GNG7: variants seen among roughly 807,000 people sequenced by gnomAD.
GNG7 encodes the protein guanine nucleotide-binding protein G(I)/G(S)/G(O) subunit gamma-7.
A neutral mutation model predicts 4.0 loss-of-function variants in GNG7; 1 was observed. The observed-to-expected ratio is 0.25, with a 90% CI of 0.09 to 1.18. The LOEUF (loss-of-function observed/expected upper bound fraction) is 1.18, where lower values mean the gene tolerates loss of function less well. Ranked by LOEUF, GNG7 falls within the 50% of genes most tolerant of loss-of-function variation. The pLI, the probability that GNG7 is intolerant of heterozygous loss-of-function variation, is 0.50. For missense variants in GNG7, 86 were observed against 91.9 expected, an observed-to-expected ratio of 0.94 and a Z score of 0.26; for synonymous variants, 34 against 36.9, an observed-to-expected ratio of 0.92 and a Z score of 0.29.
chr19:2,590,552 TCCGCCCACTCATCCA>T (rs1980811698), intron 2 of GNG7, among the ~76,000 whole-genome samples: 2 of 135,880 alleles, frequency 1.5e-5, no homozygotes, highest in African/African-American at 2.7e-5. Context: ...CATCCATCCA[TCCGCCCACTCATCCA>T]TTCACCCATT....
chr19:2,671,820 G>C (rs1983460361), intron 1 of GNG7, among the ~76,000 whole-genome samples: 1 of 151,586 alleles, frequency 6.6e-6, no homozygotes, highest in Non-Finnish European at 1.5e-5. Flanking sequence ...GGGAGGCCGA[G>C]GCGGGTGGAT....
At chr19:2,560,342 C>T (rs535090436) in intron 2 of GNG7, among the ~76,000 whole-genome samples, 1 of 152,220 alleles carries the variant, frequency 6.6e-6, no homozygotes, top group Admixed American at 6.5e-5. Flanking sequence ...ACCCCATCCC[C>T]CAGGTCTGTC....
intron 2 of GNG7, among the ~76,000 whole-genome samples, chr19:2,563,299 A>G (rs778238588): frequency 2.0e-5 from 3 of 152,056 alleles, no homozygotes; most frequent in Non-Finnish European, 4.4e-5. Context: ...TACTCTGGAC[A>G]TTGGGCCTGG....
chr19:2,517,337 C>G (rs1457969539), intron 4 of GNG7, among the ~76,000 whole-genome samples: 1 of 152,038 alleles, frequency 6.6e-6, no homozygotes, highest in Non-Finnish European at 1.5e-5. Context: ...GAGTGAGCCA[C>G]TACACCTGGC....
At position 2,683,944 on chromosome 19, in the gene GNG7, G is replaced by A. The variant is rs534696213; in HGVS notation, c.-135+18702C>T. ...AGCTCAAATCCGCCCTCAGCCCCAGGGGGCCGAGCTGCAAAAGCGACGTCA... is the reference window on the plus strand; with the variant it reads ...AGCTCAAATCCGCCCTCAGCCCCAGAGGGCCGAGCTGCAAAAGCGACGTCA... On this transcript the variant is annotated intron_variant, in intron 1 of 4. Transcript: ENST00000382159. Among the ~76,000 whole-genome samples, 7 of 152,276 alleles carry A rather than the reference G, an allele frequency of 4.6e-5. No homozygotes were observed. The South Asian group carries it at 1.4e-3, about 32-fold the overall frequency.
chr19:2,636,545 G>A (rs889176466), intron 2 of GNG7, among the ~76,000 whole-genome samples: 4 of 152,144 alleles, frequency 2.6e-5, no homozygotes, highest in Admixed American at 6.5e-5. Context: ...TCTGGTCCGA[G>A]CTCTGCTCTG....
chr19:2,534,187 C>T (rs1978671157), intron 3 of GNG7, among the ~76,000 whole-genome samples: 1 of 152,118 alleles, frequency 6.6e-6, no homozygotes, highest in Non-Finnish European at 1.5e-5. Context: ...TGTGATAAGA[C>T]TCAATGCCAG....
At chr19:2,681,732 G>A (rs117445011) in intron 1 of GNG7, among the ~76,000 whole-genome samples, 3 of 152,194 alleles carry the variant, frequency 2.0e-5, no homozygotes, top group Non-Finnish European at 4.4e-5. Context: ...TCCCAGCAGC[G>A]ACGCATGAGG....
At chr19:2,697,027 G>A (rs929569954) in intron 1 of GNG7, among the ~76,000 whole-genome samples, 3 of 152,004 alleles carry the variant, frequency 2.0e-5, no homozygotes, top group Non-Finnish European at 2.9e-5. Context: ...TTTTACTAGC[G>A]ACAGGGTTTC....
Position 2,551,845 on chromosome 19 carries a change from G to A in GNG7, c.-38+3304C>T, listed in dbSNP as rs56327215. On this transcript the variant is annotated intron_variant, in intron 3 of 4. Coordinates refer to ENST00000382159, the MANE Select transcript of GNG7 (RefSeq NM_052847.3). ...ATTACAGGCATGCGTCACCACGCCC[G>A]GCTAATTTTTTTTATTTTCAGTAGA... 4.1e-3 allele frequency among the ~76,000 whole-genome samples: 627 copies of A among 152,014 alleles called. 3 individuals carry two copies. The highest frequency in any genetic ancestry group is 0.014 in the African/African-American group (591 of 41,474).
At chr19:2,523,856 C>T (rs1449291709) in intron 3 of GNG7, among the ~76,000 whole-genome samples, 1 of 152,124 alleles carries the variant, frequency 6.6e-6, no homozygotes, top group Non-Finnish European at 1.5e-5. Context: ...TTGACACCGC[C>T]CAGCCTCCTT....
Position 2,546,073 on chromosome 19 carries a change from G to C in GNG7, c.-38+9076C>G, listed in dbSNP as rs1235473528. Among the ~76,000 whole-genome samples, 1 of 152,236 alleles carries C rather than the reference G, an allele frequency of 6.6e-6. No homozygotes were observed. The highest frequency in any genetic ancestry group is 1.5e-5 in the Non-Finnish European group (1 of 68,044). ...CAGGGCAACGATCAGGCGTTGATGT[G>C]TCCCCTGGCAGCTGGGATGCAGGCC... On this transcript the variant is annotated intron_variant, in intron 3 of 4. Coordinates refer to ENST00000382159, the MANE Select transcript of GNG7 (RefSeq NM_052847.3). This position sits in a 1 kb window ranked among gnomAD's most constrained non-coding sequence, Gnocchi z 6.3.
chr19:2,674,597 G>A (rs535724102), intron 1 of GNG7, among the ~76,000 whole-genome samples: 5 of 152,176 alleles, frequency 3.3e-5, no homozygotes, highest in South Asian at 2.1e-4. Flanking sequence ...AACCATGCCC[G>A]GCTAATTTTT....
chr19:2,629,161 A>G (rs1464217738), intron 2 of GNG7, among the ~76,000 whole-genome samples: 2 of 152,330 alleles, frequency 1.3e-5, no homozygotes, highest in East Asian at 1.9e-4. Context: ...AACTTTGGGG[A>G]AAGTTGAAGA....
rs1982228568 is a variant in GNG7, at chr19:2,633,573, G to A, written c.-78+12651C>T. On this transcript the variant is annotated intron_variant, in intron 2 of 4. Coordinates refer to ENST00000382159, the MANE Select transcript of GNG7 (RefSeq NM_052847.3). This position sits in a 1 kb window ranked among gnomAD's most constrained non-coding sequence, Gnocchi z 5.9. ...CTGGGCTGGGGTACTCAGATCCCCG[G>A]GCTCGGTGGTCGTGGATGTGAGCCT... is the stretch of plus-strand genomic sequence containing the variant. 6.6e-6 allele frequency among the ~76,000 whole-genome samples: 1 copy of A among 151,542 alleles called. No individual in the cohort carries two copies. Among genetic ancestry groups the A allele is most frequent in the Non-Finnish European group, 1.5e-5 (1 of 67,940 alleles).
chr19:2,629,760 C>T (rs949281185), intron 2 of GNG7, among the ~76,000 whole-genome samples: 2 of 152,270 alleles, frequency 1.3e-5, no homozygotes, highest in South Asian at 2.1e-4. Context: ...CCCATGCCCA[C>T]GAGTAAGAGG....
intron 3 of GNG7, among the ~76,000 whole-genome samples, chr19:2,532,146 G>A (rs148550219): frequency 0.026 from 2,588 of 98,772 alleles, 80 homozygotes; most frequent in African/African-American, 0.097. Context: ...ACGAGACTCC[G>A]TCTCAAAAAA....
chr19:2,522,260 C>T (rs1366671478), intron 3 of GNG7, among the ~76,000 whole-genome samples: 1 of 152,020 alleles, frequency 6.6e-6, no homozygotes, highest in Non-Finnish European at 1.5e-5. Flanking sequence ...TCGTAGGACC[C>T]AGTGAGGGGG....
At chr19:2,616,035 G>A (rs1308619419) in intron 2 of GNG7, among the ~76,000 whole-genome samples, 4 of 152,276 alleles carry the variant, frequency 2.6e-5, no homozygotes, top group Admixed American at 1.3e-4. Flanking sequence ...GCAGGGAACA[G>A]GGCAGGATGG....
Sources: gnomAD v4.1 joint callset for allele counts (sites outside exome capture counted in the v4.1 genomes callset) on GRCh38, gnomAD v4.1.1 for gene constraint, Gnocchi (gnomAD v3.1) non-coding constraint, MANE v1.5 for transcripts, NCBI Gene and HGNC (gene_info 2026-07-23, HGNC 2026-07-21) for gene names.